The following DACH2 variants were observed in gnomAD, a reference collection of about 807,000 sequenced individuals.
DACH2 encodes dachshund family transcription factor 2, also known as dachshund homolog 2.
DACH2 carries 17 observed loss-of-function variants against 35.8 expected under a neutral mutation model. The ratio of observed to expected loss-of-function variants is 0.48; its 90% CI spans 0.33 to 0.71. The LOEUF is 0.71. DACH2 is among the 30% of genes least tolerant of loss of function. The pLI, the probability that DACH2 is intolerant of heterozygous loss-of-function variation, is 0.02. For missense variants in DACH2, 469 were observed against 472.7 expected (o/e 0.99, Z 0.07); for synonymous variants, 195 against 177.3 (o/e 1.10, Z -0.79).
chrX:86,348,819 G>T (rs1348858514), intron 1 of DACH2, among the ~76,000 whole-genome samples: 2 of 112,179 alleles, frequency 1.8e-5, no homozygotes, highest in Non-Finnish European at 3.8e-5. Context: ...CCCCTCTCAG[G>T]GCTTGTGATG....
intron 4 of DACH2, among the ~76,000 whole-genome samples, chrX:86,655,102 G>T (rs1229024369): frequency 9.0e-6 from 1 of 111,111 alleles, no homozygotes; most frequent in African/African-American, 3.3e-5. Flanking sequence ...TCCAAGAAGC[G>T]ACAGAAGTAG....
At chrX:86,530,541 C>G (rs142297290) in intron 3 of DACH2, among the ~76,000 whole-genome samples, 215 of 111,836 alleles carry the variant, frequency 1.9e-3, no homozygotes, top group African/African-American at 6.7e-3. Flanking sequence ...TGCCTTGCTT[C>G]TCCTTTGCCT....
intron 4 of DACH2, among the ~76,000 whole-genome samples, chrX:86,665,979 A>G (rs73247206): frequency 0.24 from 26,210 of 110,290 alleles, 2,589 homozygotes; most frequent in Admixed American, 0.46. Context: ...CTTCTTTGGG[A>G]GGAACATTAA....
At chrX:86,241,068 G>A (rs1160939857) in intron 1 of DACH2, among the ~76,000 whole-genome samples, 1 of 111,876 alleles carries the variant, frequency 8.9e-6, no homozygotes, top group African/African-American at 3.3e-5. Context: ...ATTGATGTCA[G>A]TAGTGGGGCG....
chrX:86,376,214 T>G (rs1270993003), intron 1 of DACH2, among the ~76,000 whole-genome samples: 1 of 108,060 alleles, frequency 9.3e-6, no homozygotes, highest in African/African-American at 3.4e-5. Context: ...GTGAGGAAGA[T>G]GTAAGATAAT....
chrX:86,769,672 T>C (rs951475948), intron 7 of DACH2, among the ~76,000 whole-genome samples: 3 of 111,802 alleles, frequency 2.7e-5, no homozygotes, highest in East Asian at 5.6e-4. Context: ...TATAGGCATA[T>C]AGTCATATAA....
At chrX:86,470,269 T>A (rs1231812932) in intron 2 of DACH2, among the ~76,000 whole-genome samples, 1 of 112,019 alleles carries the variant, frequency 8.9e-6, no homozygotes, top group Non-Finnish European at 1.9e-5. Context: ...TTAAGCACTT[T>A]TAATAGCTAT....
At chrX:86,746,758 C>A (rs1185237849) in intron 7 of DACH2, among the ~76,000 whole-genome samples, 4 of 110,848 alleles carry the variant, frequency 3.6e-5, no homozygotes, top group Non-Finnish European at 7.6e-5. Context: ...CTTTGATGGA[C>A]AGGTTATTCA....
chrX:86,827,818 G>A (rs1168639170), intron 11 of DACH2: 2 of 1,152,230 alleles, frequency 1.7e-6, no homozygotes, highest in South Asian at 1.9e-5. Context: ...ATAGGGTGCT[G>A]TAGCAGTTAC....
At chrX:86,469,375 G>C (rs931395233) in intron 2 of DACH2, among the ~76,000 whole-genome samples, 9 of 111,135 alleles carry the variant, frequency 8.1e-5, no homozygotes, top group Non-Finnish European at 1.5e-4. Context: ...AAAAGGATGT[G>C]AGGTGATACA....
intron 2 of DACH2, among the ~76,000 whole-genome samples, chrX:86,473,135 C>A (rs777298264): frequency 1.3e-4 from 14 of 111,449 alleles, no homozygotes; most frequent in Non-Finnish European, 2.3e-4. Context: ...TCCATCACCA[C>A]AAGCGTTTAT....
At chrX:86,729,776 C>T (rs2041511775) in intron 6 of DACH2, among the ~76,000 whole-genome samples, 1 of 111,137 alleles carries the variant, frequency 9.0e-6, no homozygotes, top group Non-Finnish European at 1.9e-5. Context: ...CCTACCTCCA[C>T]ACCCTTTTTC....
chrX:86,293,427 A>T (rs2034358087), intron 1 of DACH2, among the ~76,000 whole-genome samples: 1 of 107,639 alleles, frequency 9.3e-6, no homozygotes. Context: ...ATTTACATTT[A>T]AAGTTAATAT....
At chrX:86,432,705 T>G (rs896119183) in intron 2 of DACH2, among the ~76,000 whole-genome samples, 5 of 112,213 alleles carry the variant, frequency 4.5e-5, no homozygotes, top group Admixed American at 9.5e-5. Flanking sequence ...CTCCAGCCTG[T>G]GGATTTATTA....
At chrX:86,182,459 T>C (rs1245956461) in intron 1 of DACH2, among the ~76,000 whole-genome samples, 2 of 112,053 alleles carry the variant, frequency 1.8e-5, no homozygotes, top group African/African-American at 6.5e-5. Flanking sequence ...TCCCCATTGC[T>C]TGTTTTTGTC....
intron 2 of DACH2, among the ~76,000 whole-genome samples, chrX:86,441,742 C>T (rs966626087): frequency 1.7e-4 from 19 of 109,025 alleles, no homozygotes; most frequent in African/African-American, 5.0e-4. Flanking sequence ...ATAATGACTA[C>T]GTTAATTTTC....
chrX:86,634,671 C>A (rs2040241202), intron 3 of DACH2, among the ~76,000 whole-genome samples: 1 of 111,053 alleles, frequency 9.0e-6, no homozygotes, highest in Non-Finnish European at 1.9e-5. Flanking sequence ...AGCTGAGAAC[C>A]AAATTAATCC....
chrX:86,733,479 G>A (rs2041556197), intron 6 of DACH2, among the ~76,000 whole-genome samples: 1 of 111,659 alleles, frequency 9.0e-6, no homozygotes, highest in Non-Finnish European at 1.9e-5. Context: ...ATTGGAAATT[G>A]CATTATGATC....
intron 3 of DACH2, among the ~76,000 whole-genome samples, chrX:86,608,151 AAAGCAC>A (rs1186503842): frequency 4.5e-5 from 5 of 111,385 alleles, no homozygotes; most frequent in Non-Finnish European, 7.5e-5. Context: ...ATGCAGCCAA[AAAGCAC>A]ATGAAAAAAT....
Sources: allele counts gnomAD v4.1 joint callset (sites outside exome capture counted in the v4.1 genomes callset), GRCh38; gene constraint gnomAD v4.1.1; transcripts MANE v1.5; gene names NCBI Gene and HGNC (gene_info 2026-07-23, HGNC 2026-07-21).